CNOT1: variants seen among roughly 807,000 people sequenced by gnomAD.
CNOT1 encodes CCR4-NOT transcription complex subunit 1.
Under a neutral mutation model 273.8 loss-of-function variants are expected in CNOT1, and 15 were observed. The observed-to-expected ratio is 0.05, with a 90% confidence interval of 0.04 to 0.08. CNOT1 has a LOEUF of 0.08. Among genes scored for constraint, CNOT1 ranks in the 10% least tolerant of loss-of-function variants. The pLI is 1.00. For missense variants in CNOT1, 1,644 were observed against 2,912.2 expected, an observed-to-expected ratio of 0.56 and a Z score of 10.02; for synonymous variants, 1,022 against 1,005.5, an observed-to-expected ratio of 1.02 and a Z score of -0.31.
intron 1 of CNOT1, among the ~76,000 whole-genome samples, chr16:58,606,568 C>T (rs2042684192): frequency 1.3e-5 from 2 of 152,026 alleles, no homozygotes; most frequent in Non-Finnish European, 2.9e-5. Context: ...TTTAGGAGGC[C>T]GAGACGGGAG....
rs186426197 is a variant in CNOT1, at chr16:58,573,303, T to C, written c.1979+1306A>G. Among the ~76,000 whole-genome samples the C allele has an allele frequency of 6.2e-3, 902 of 145,712 alleles. 6 individuals carry two copies. Among genetic ancestry groups the C allele is most frequent in the South Asian group, 0.016 (75 of 4,626 alleles). ...CCTGGGCAACAAGAGTGAAACTCCA[T>C]CTCAAAAAAAAAAGAAAGAAAGAAA... On this transcript the variant is annotated intron_variant, in intron 16 of 48. Coordinates refer to ENST00000317147, the MANE Select transcript of CNOT1 (RefSeq NM_016284.5).
chr16:58,599,986 C>A (rs1283465307), intron 1 of CNOT1, among the ~76,000 whole-genome samples: 1 of 151,732 alleles, frequency 6.6e-6, no homozygotes, highest in Non-Finnish European at 1.5e-5. Context: ...CCGCTTGAAA[C>A]TAGGAGGCAG....
chr16:58,573,937 C>T (rs1318869687), intron 16 of CNOT1, among the ~76,000 whole-genome samples: 5 of 151,948 alleles, frequency 3.3e-5, no homozygotes, highest in Non-Finnish European at 7.4e-5. Flanking sequence ...GCCTTTGAGA[C>T]ACAGATCAAC....
chr16:58,606,751 C>G (rs1041197424), intron 1 of CNOT1, among the ~76,000 whole-genome samples: 27 of 151,572 alleles, frequency 1.8e-4, no homozygotes, highest in African/African-American at 6.6e-4. Context: ...TTGCAGTGAG[C>G]TGAGATCAAA....
intron 16 of CNOT1, among the ~76,000 whole-genome samples, chr16:58,562,850 G>A (rs929732025): frequency 1.7e-4 from 26 of 152,084 alleles, no homozygotes; most frequent in Non-Finnish European, 5.9e-5. Context: ...AGTAGCAGCC[G>A]TACATGAACT....
intron 44 of CNOT1, chr16:58,528,265 A>T: frequency 1.6e-6 from 1 of 606,358 alleles, no homozygotes; most frequent in Non-Finnish European, 2.9e-6. Flanking sequence ...AGCAACTAGA[A>T]AAATGCTGTG....
chr16:58,622,269 G>A (rs757108106), intron 1 of CNOT1, among the ~76,000 whole-genome samples: 32 of 142,434 alleles, frequency 2.2e-4, no homozygotes, highest in Non-Finnish European at 3.9e-4. Context: ...AGCCGAGATG[G>A]CGCCACTGCA....
intron 24 of CNOT1, 41 bp from the exon 25 acceptor site, chr16:58,549,939 AT>A: frequency 6.2e-7 from 1 of 1,607,730 alleles, no homozygotes. Flanking sequence ...GAATTACACT[AT>A]GATAAAATAA....
intron 1 of CNOT1, among the ~76,000 whole-genome samples, chr16:58,611,965 G>A (rs934680549): frequency 1.3e-5 from 2 of 151,982 alleles, no homozygotes; most frequent in African/African-American, 2.4e-5. Context: ...CTGTTTGCTC[G>A]TTTGTTTTTT....
chr16:58,538,271 A>G lies in CNOT1; in HGVS notation c.5136-5T>C, dbSNP rs776197557. 8.9e-7 allele frequency: 1 copy of G among 1,118,278 alleles called. No homozygotes were observed. The highest frequency in any genetic ancestry group is 1.4e-6 in the Non-Finnish European group (1 of 727,108). The allele number at this position is 1,118,278 out of a possible 1,614,324, so 69.3% of individuals were successfully genotyped here. ...TCTCGACATTCAATTAGGCACCTAGAAAAAGTTCAATATCTTTACTCATAT... is the reference window on the plus strand; with the variant it reads ...TCTCGACATTCAATTAGGCACCTAGGAAAAGTTCAATATCTTTACTCATAT... On this transcript the variant is annotated splice_polypyrimidine_tract_variant and splice_region_variant and intron_variant, in intron 36 of 48. Coordinates refer to ENST00000317147, the MANE Select transcript of CNOT1 (RefSeq NM_016284.5).
At chr16:58,598,367 C>T (rs1438571285) in intron 2 of CNOT1, among the ~76,000 whole-genome samples, 1 of 144,938 alleles carries the variant, frequency 6.9e-6, no homozygotes, top group African/African-American at 2.6e-5. Context: ...CACTGCACTC[C>T]AGCCTAGGCA....
intron 14 of CNOT1, among the ~76,000 whole-genome samples, chr16:58,575,910 T>C (rs139698918): frequency 2.0e-5 from 3 of 152,284 alleles, no homozygotes; most frequent in East Asian, 3.9e-4. Flanking sequence ...ACATAACTTA[T>C]GAGAAAAGCT....
chr16:58,527,277 A>G (rs1033488102), intron 44 of CNOT1, among the ~76,000 whole-genome samples: 2 of 152,088 alleles, frequency 1.3e-5, no homozygotes, highest in African/African-American at 4.8e-5. Context: ...TAATCCCAGC[A>G]TTTTGGGAGG....
rs181626227 is a variant in CNOT1, at chr16:58,628,741, A to C, written c.-175+987T>G. Among the ~76,000 whole-genome samples, 81 of 152,334 alleles carry C rather than the reference A, an allele frequency of 5.3e-4. 1 individual carries two copies. Among genetic ancestry groups the C allele is most frequent in the Admixed American group, 6.5e-4 (10 of 15,286 alleles). On this transcript the variant is annotated intron_variant, in intron 1 of 48. Coordinates refer to ENST00000317147, the MANE Select transcript of CNOT1 (RefSeq NM_016284.5). ...AGAAATGTGACATTTGATTAACTTC[A>C]TGGGAAAAGTTTGTCATAAAGTTTA...
At position 58,554,410 on chromosome 16, in the gene CNOT1, T is replaced by C. The variant is rs563778324; in HGVS notation, c.2892-550A>G. On this transcript the variant is annotated intron_variant, in intron 21 of 48. Transcript: ENST00000317147. ...ATTCTGCATCAGCCAGGCATGGTAGTTTATGCCTATAATCCCATCACTGTG... is the reference window on the plus strand; with the variant it reads ...ATTCTGCATCAGCCAGGCATGGTAGCTTATGCCTATAATCCCATCACTGTG... Among the ~76,000 whole-genome samples, 4 of 152,286 alleles carry C rather than the reference T, an allele frequency of 2.6e-5. No individual in the cohort carries two copies. The East Asian group carries it at 7.7e-4, about 29-fold the overall frequency.
At chr16:58,606,274 G>A (rs1203206933) in intron 1 of CNOT1, among the ~76,000 whole-genome samples, 1 of 151,988 alleles carries the variant, frequency 6.6e-6, no homozygotes, top group Non-Finnish European at 1.5e-5. Context: ...TAAAATAATG[G>A]CTGGGTGAGG....
rs2039998068 is a variant in CNOT1 at position 58,539,061 on chromosome 16, G to A, written c.4993-147C>T. ...CACTCTCCAAACATCCCTTTCAGTT[G>A]CCTATCACACACACTCTAAATTCTA... On this transcript the variant is annotated intron_variant, in intron 35 of 48. Transcript: ENST00000317147. 4.0e-6 allele frequency: 5 copies of A among 1,239,082 alleles called. No individual in the cohort carries two copies. In the East Asian group the frequency reaches 1.0e-4, roughly 26 times the overall value. 76.8% of individuals were successfully genotyped at this position (1,239,082 alleles called of 1,614,324 possible). A position where few individuals can be genotyped will look rare whatever the true frequency, so the allele number is the denominator to read the frequency against.
At chr16:58,574,556 T>G in intron 16 of CNOT1, 53 bp downstream of exon 16, 1 of 1,494,650 alleles carries the variant, frequency 6.7e-7, no homozygotes, top group Non-Finnish European at 9.0e-7. Flanking sequence ...AAGTCTACAA[T>G]TATTCATATA....
chr16:58,553,104 C>T (rs2040509283), intron 22 of CNOT1, among the ~76,000 whole-genome samples: 1 of 152,032 alleles, frequency 6.6e-6, no homozygotes, highest in African/African-American at 2.4e-5. Context: ...GAAACCTCGT[C>T]TCTACAAAAA....
Sources: gnomAD v4.1 joint callset for allele counts (sites outside exome capture counted in the v4.1 genomes callset) on GRCh38, gnomAD v4.1.1 for gene constraint, MANE v1.5 for transcripts, NCBI Gene and HGNC (gene_info 2026-07-23, HGNC 2026-07-21) for gene names.